TTC29: variants seen among roughly 807,000 people sequenced by gnomAD.
TTC29 encodes the protein tetratricopeptide repeat domain 29.
A neutral mutation model predicts 58.1 loss-of-function variants in TTC29; 49 were observed. The observed-to-expected ratio is 0.84, with a 90% confidence interval of 0.67 to 1.07. TTC29 has a LOEUF of 1.07. TTC29 is among the 50% of genes least tolerant of loss of function. The probability of loss-of-function intolerance (pLI) is 0.00; values close to 1 mark genes in which losing one functional copy is unlikely to be tolerated. For missense variants in TTC29, 582 were observed against 555.6 expected, an observed-to-expected ratio of 1.05 and a Z score of -0.48; for synonymous variants, 209 against 196.8, an observed-to-expected ratio of 1.06 and a Z score of -0.52.
chr4:146,823,371 C>T (rs964584074), intron 9 of TTC29, among the ~76,000 whole-genome samples: 3 of 152,132 alleles, frequency 2.0e-5, no homozygotes, highest in Admixed American at 6.6e-5. Flanking sequence ...ATCCTTTCCC[C>T]ATTGATTGTT....
chr4:146,813,456 AG>A (rs2150131133), intron 10 of TTC29, among the ~76,000 whole-genome samples: 1 of 152,350 alleles, frequency 6.6e-6, no homozygotes, highest in Admixed American at 6.5e-5. Context: ...ACTAGGATAC[AG>A]GATATTTTTA....
At chr4:146,788,480 G>T (rs1199810352) in intron 11 of TTC29, among the ~76,000 whole-genome samples, 1 of 152,158 alleles carries the variant, frequency 6.6e-6, no homozygotes, top group African/African-American at 2.4e-5. Context: ...ATTGGAGCCT[G>T]ATCTTACATG....
At chr4:146,736,017 C>T (rs1322416091) in intron 11 of TTC29, among the ~76,000 whole-genome samples, 5 of 152,002 alleles carry the variant, frequency 3.3e-5, no homozygotes, top group Non-Finnish European at 2.9e-5. Flanking sequence ...ATTGGGTGGA[C>T]CAAAGGGAGT....
intron 11 of TTC29, among the ~76,000 whole-genome samples, chr4:146,745,614 G>A (rs747814350): frequency 5.9e-5 from 9 of 152,202 alleles, no homozygotes; most frequent in Non-Finnish European, 1.0e-4. Flanking sequence ...ATAGGTGGAC[G>A]GTTGCTTAAA....
intron 11 of TTC29, among the ~76,000 whole-genome samples, chr4:146,802,905 AGTT>A (rs1750332471): frequency 6.6e-6 from 1 of 152,206 alleles, no homozygotes; most frequent in South Asian, 2.1e-4. Flanking sequence ...CATCCCTTCT[AGTT>A]GTTTGGTTTT....
At chr4:146,808,368 T>C (rs762066731) in intron 10 of TTC29, among the ~76,000 whole-genome samples, 1 of 152,132 alleles carries the variant, frequency 6.6e-6, no homozygotes, top group Non-Finnish European at 1.5e-5. Flanking sequence ...CTATTCAACA[T>C]AGTATTGGAA....
chr4:146,719,289 C>A (rs909259451), intron 11 of TTC29, among the ~76,000 whole-genome samples: 4 of 151,712 alleles, frequency 2.6e-5, no homozygotes, highest in African/African-American at 9.7e-5. Flanking sequence ...GACGTTAAAT[C>A]TCTCAACTAC....
At chr4:146,722,724 G>C (rs1285370712) in intron 11 of TTC29, among the ~76,000 whole-genome samples, 2 of 151,212 alleles carry the variant, frequency 1.3e-5, no homozygotes, top group Non-Finnish European at 2.9e-5. Context: ...TTTGAGACAG[G>C]GTCTCACTCT....
At chr4:146,880,872 A>G (rs1289751645) in intron 6 of TTC29, among the ~76,000 whole-genome samples, 1 of 152,122 alleles carries the variant, frequency 6.6e-6, no homozygotes, top group Non-Finnish European at 1.5e-5. Flanking sequence ...GTAAGCTACG[A>G]ACATTAGAGG....
At chr4:146,887,862 T>G (rs1732091523) in intron 6 of TTC29, among the ~76,000 whole-genome samples, 1 of 152,080 alleles carries the variant, frequency 6.6e-6, no homozygotes, top group African/African-American at 2.4e-5. Flanking sequence ...TTCTTCCTTC[T>G]TCTATTTCCC....
At chr4:146,925,167 A>G (rs980679069) in intron 4 of TTC29, among the ~76,000 whole-genome samples, 2 of 152,072 alleles carry the variant, frequency 1.3e-5, no homozygotes, top group African/African-American at 4.8e-5. Context: ...ACAGTTGAAC[A>G]TAATGTATTC....
intron 4 of TTC29, among the ~76,000 whole-genome samples, chr4:146,930,540 C>T (rs1347136680): frequency 2.0e-5 from 3 of 152,022 alleles, no homozygotes; most frequent in Non-Finnish European, 4.4e-5. Context: ...CTCCAATTTC[C>T]AATATAGAAA....
intron 11 of TTC29, among the ~76,000 whole-genome samples, chr4:146,786,019 C>T (rs1160123839): frequency 6.6e-6 from 1 of 151,150 alleles, no homozygotes; most frequent in Non-Finnish European, 1.5e-5. Flanking sequence ...ACTCACACAC[C>T]TACAACTGAA....
intron 11 of TTC29, among the ~76,000 whole-genome samples, chr4:146,721,651 C>T (rs6857014): frequency 0.77 from 117,763 of 151,970 alleles, 46,712 homozygotes; most frequent in Non-Finnish European, 0.87. Context: ...AGTGAGTTAA[C>T]GCATCTATTC....
intron 7 of TTC29, among the ~76,000 whole-genome samples, chr4:146,868,609 A>G (rs550619897): frequency 6.6e-6 from 1 of 152,240 alleles, no homozygotes; most frequent in Non-Finnish European, 1.5e-5. Context: ...TAAAGATACA[A>G]CATGGTTCAA....
intron 10 of TTC29, among the ~76,000 whole-genome samples, chr4:146,817,764 T>G (rs1239726368): frequency 1.3e-5 from 2 of 152,106 alleles, no homozygotes; most frequent in Non-Finnish European, 2.9e-5. Context: ...AACAGAGCCC[T>G]CAGAAATAAC....
At chr4:146,734,623 T>C (rs762319136) in intron 11 of TTC29, among the ~76,000 whole-genome samples, 11 of 152,006 alleles carry the variant, frequency 7.2e-5, no homozygotes, top group Non-Finnish European at 1.2e-4. Flanking sequence ...TCCAGGTAGA[T>C]AGTTTTGGAG....
intron 11 of TTC29, among the ~76,000 whole-genome samples, chr4:146,765,421 G>A (rs994852288): frequency 6.6e-6 from 1 of 151,968 alleles, no homozygotes; most frequent in South Asian, 2.1e-4. Flanking sequence ...TTAATTTCTC[G>A]AACTCCTGAT....
intron 11 of TTC29, among the ~76,000 whole-genome samples, chr4:146,772,386 T>G (rs1488791417): frequency 6.6e-6 from 1 of 151,620 alleles, no homozygotes; most frequent in Non-Finnish European, 1.5e-5. Flanking sequence ...GTTTTAGATT[T>G]TACCTTGAGT....
Sources: allele counts gnomAD v4.1 joint callset (sites outside exome capture counted in the v4.1 genomes callset), GRCh38; gene constraint gnomAD v4.1.1; transcripts MANE v1.5; gene names NCBI Gene and HGNC (gene_info 2026-07-23, HGNC 2026-07-21).